The following ARHGAP10 variants were observed in gnomAD, a reference collection of about 807,000 sequenced individuals.
ARHGAP10 encodes Rho GTPase activating protein 10.
In ARHGAP10, 87 loss-of-function variants were observed where a neutral mutation model predicts 108.6. That is an observed-to-expected ratio of 0.80 (90% confidence interval 0.67 to 0.96). The LOEUF is 0.96. Ranked by LOEUF, ARHGAP10 falls within the 40% of genes least tolerant of loss-of-function variation. ARHGAP10 has a pLI of 0.00. For synonymous variants in ARHGAP10, 347 were observed against 341.1 expected, an observed-to-expected ratio of 1.02 and a Z score of -0.19; for missense variants, 939 against 954.5, an observed-to-expected ratio of 0.98 and a Z score of 0.21.
At chr4:147,975,164 T>G (rs994717230) in intron 18 of ARHGAP10, among the ~76,000 whole-genome samples, 1 of 152,202 alleles carries the variant, frequency 6.6e-6, no homozygotes, top group Non-Finnish European at 1.5e-5. Context: ...GTAATAAGCA[T>G]TTTAGCCTTT....
At chr4:147,864,540 T>G in intron 5 of ARHGAP10, 1 of 223,112 alleles carries the variant, frequency 4.5e-6, no homozygotes, top group South Asian at 9.4e-5. Flanking sequence ...CTTCAGTTCT[T>G]GGGGGTCAAC....
At chr4:147,755,718 T>C (rs541720669) in intron 1 of ARHGAP10, among the ~76,000 whole-genome samples, 4 of 152,246 alleles carry the variant, frequency 2.6e-5, no homozygotes, top group East Asian at 1.9e-4. Flanking sequence ...CCTTATATAG[T>C]GTAGGTGATA....
chr4:147,742,198 G>C (rs867842018), intron 1 of ARHGAP10, among the ~76,000 whole-genome samples: 1 of 151,822 alleles, frequency 6.6e-6, no homozygotes, highest in Non-Finnish European at 1.5e-5. Context: ...TGTAAAGTTG[G>C]CCTCACCGTT....
At chr4:147,911,447 C>T (rs1736724966) in intron 12 of ARHGAP10, among the ~76,000 whole-genome samples, 1 of 152,184 alleles carries the variant, frequency 6.6e-6, no homozygotes, top group Non-Finnish European at 1.5e-5. Flanking sequence ...CCTGCAAGCT[C>T]CGCCTCCCGG....
intron 20 of ARHGAP10, among the ~76,000 whole-genome samples, chr4:148,061,588 G>A (rs1197232950): frequency 2.0e-5 from 3 of 151,400 alleles, no homozygotes; most frequent in Admixed American, 1.3e-4. Context: ...TAAGGGAATT[G>A]TAAATAAGCT....
intron 3 of ARHGAP10, among the ~76,000 whole-genome samples, chr4:147,836,112 A>G (rs1733160009): frequency 6.6e-6 from 1 of 152,188 alleles, no homozygotes; most frequent in Admixed American, 6.5e-5. Context: ...ATCTTTTTTC[A>G]GTTAATGTCC....
chr4:147,973,301 C>G (rs544172502), intron 18 of ARHGAP10, among the ~76,000 whole-genome samples: 1 of 152,272 alleles, frequency 6.6e-6, no homozygotes, highest in South Asian at 2.1e-4. Flanking sequence ...TAGCTTATGT[C>G]TGAGGTAGGG....
chr4:147,761,839 G>A (rs1443305530), intron 1 of ARHGAP10, among the ~76,000 whole-genome samples: 2 of 152,136 alleles, frequency 1.3e-5, no homozygotes, highest in African/African-American at 2.4e-5. Flanking sequence ...TAGGAAAAAC[G>A]AAGGAGAAAA....
At chr4:147,732,501 G>A (rs751550735) in intron 1 of ARHGAP10, 46 bp downstream of exon 1, 13 of 1,602,262 alleles carry the variant, frequency 8.1e-6, no homozygotes, top group Non-Finnish European at 1.1e-5. Flanking sequence ...TGGCGAGGCG[G>A]CTGGGGGAGC....
intron 1 of ARHGAP10, among the ~76,000 whole-genome samples, chr4:147,752,906 T>C (rs1011783351): frequency 6.6e-6 from 1 of 152,242 alleles, no homozygotes; most frequent in African/African-American, 2.4e-5. Flanking sequence ...TTTATTTTCT[T>C]CCCAAATAAT....
intron 13 of ARHGAP10, among the ~76,000 whole-genome samples, chr4:147,924,612 C>T (rs1737383762): frequency 6.6e-6 from 1 of 152,122 alleles, no homozygotes; most frequent in Non-Finnish European, 1.5e-5. Flanking sequence ...AGTAGGCATG[C>T]TAGGCTTTGT....
At chr4:147,870,698 G>T (rs970920587) in intron 7 of ARHGAP10, among the ~76,000 whole-genome samples, 1 of 151,874 alleles carries the variant, frequency 6.6e-6, no homozygotes, top group Non-Finnish European at 1.5e-5. Context: ...CAAATTTAAA[G>T]AATATTTTAA....
chr4:147,907,794 GATTTGGGTGTCGTCTTACCAT>G (rs1313912878), intron 11 of ARHGAP10, among the ~76,000 whole-genome samples: 2 of 152,186 alleles, frequency 1.3e-5, no homozygotes, highest in African/African-American at 4.8e-5. Flanking sequence ...TCCTTGGTCA[GATTTGGGTGTCGTCTTACCAT>G]ATTTGGGATG....
chr4:147,870,383 A>G (rs926959510), intron 7 of ARHGAP10, among the ~76,000 whole-genome samples: 2 of 152,218 alleles, frequency 1.3e-5, no homozygotes, highest in Non-Finnish European at 2.9e-5. Flanking sequence ...TTTAGGAAAC[A>G]TAATCAAATG....
At chr4:147,803,037 C>T (rs897214070) in intron 1 of ARHGAP10, among the ~76,000 whole-genome samples, 2 of 151,672 alleles carry the variant, frequency 1.3e-5, no homozygotes, top group African/African-American at 4.9e-5. Flanking sequence ...GAGATGGAGC[C>T]TTGCTCTGTT....
At chr4:147,761,968 A>G (rs1288670101) in intron 1 of ARHGAP10, among the ~76,000 whole-genome samples, 1 of 152,198 alleles carries the variant, frequency 6.6e-6, no homozygotes, top group Non-Finnish European at 1.5e-5. Context: ...CACCCAGATC[A>G]GAAACTGCCA....
chr4:148,068,322 G>A (rs1729994564), intron 22 of ARHGAP10, among the ~76,000 whole-genome samples: 1 of 152,188 alleles, frequency 6.6e-6, no homozygotes, highest in Non-Finnish European at 1.5e-5. Context: ...GGGAGCAGGT[G>A]TGGCCCAAAT....
chr4:147,871,593 A>G (rs1271865182), intron 7 of ARHGAP10, among the ~76,000 whole-genome samples: 1 of 152,238 alleles, frequency 6.6e-6, no homozygotes, highest in East Asian at 1.9e-4. Context: ...AGATAGCATT[A>G]GACAGTGTCC....
At chr4:147,870,856 A>C (rs918652518) in intron 7 of ARHGAP10, among the ~76,000 whole-genome samples, 5 of 152,048 alleles carry the variant, frequency 3.3e-5, no homozygotes, top group African/African-American at 1.2e-4. Flanking sequence ...AATGGGTAGG[A>C]AGTATTTAAG....
Sources: gnomAD v4.1 joint callset for allele counts (sites outside exome capture counted in the v4.1 genomes callset) on GRCh38, gnomAD v4.1.1 for gene constraint, MANE v1.5 for transcripts, NCBI Gene and HGNC (gene_info 2026-07-23, HGNC 2026-07-21) for gene names.